The following MACC1 variants were observed in gnomAD, a reference collection of about 807,000 sequenced individuals.
MACC1 encodes the protein metastasis-associated in colon cancer protein 1.
A neutral mutation model predicts 70.7 loss-of-function variants in MACC1; 79 were observed. That is an observed-to-expected ratio of 1.12 (90% CI 0.93 to 1.35). The LOEUF (loss-of-function observed/expected upper bound fraction) is 1.35. Among genes scored for constraint, MACC1 ranks in the 40% most tolerant of loss-of-function variants. The pLI, the probability that MACC1 is intolerant of heterozygous loss-of-function variation, is 0.00. For missense variants in MACC1, 1,106 were observed against 978.1 expected (o/e 1.13, Z -1.74); for synonymous variants, 361 against 347.2 (o/e 1.04, Z -0.44).
chr7:20,151,907 G>A (rs1743755158), intron 6 of MACC1, among the ~76,000 whole-genome samples: 2 of 152,174 alleles, frequency 1.3e-5, no homozygotes, highest in South Asian at 4.1e-4. Flanking sequence ...TAAAGTCATG[G>A]ACTCTGAAGT....
intron 1 of MACC1, among the ~76,000 whole-genome samples, chr7:20,179,940 A>T (rs1273423558): frequency 6.6e-6 from 1 of 152,188 alleles, no homozygotes; most frequent in African/African-American, 2.4e-5. Flanking sequence ...ATGAATTGTC[A>T]ACTGTGCTTT....
chr7:20,153,942 C>T (rs984580340), intron 6 of MACC1, among the ~76,000 whole-genome samples: 2 of 152,058 alleles, frequency 1.3e-5, no homozygotes, highest in Non-Finnish European at 2.9e-5. Context: ...TCAATTAATT[C>T]ATTGATCAAA....
intron 1 of MACC1, among the ~76,000 whole-genome samples, chr7:20,201,124 C>G (rs1217962719): frequency 1.3e-5 from 2 of 152,050 alleles, no homozygotes; most frequent in African/African-American, 4.8e-5. Flanking sequence ...TGAATGAGAG[C>G]TGGTCACACT....
chr7:20,177,155 C>T (rs758564809), intron 1 of MACC1, among the ~76,000 whole-genome samples: 1 of 152,062 alleles, frequency 6.6e-6, no homozygotes, highest in Non-Finnish European at 1.5e-5. Context: ...GGATTTTGTA[C>T]TATCTTTCCA....
At chr7:20,145,934 G>C (rs1781883577) in intron 6 of MACC1, among the ~76,000 whole-genome samples, 1 of 152,108 alleles carries the variant, frequency 6.6e-6, no homozygotes, top group African/African-American at 2.4e-5. Flanking sequence ...AGGCTGAGGT[G>C]GGTGGATCAT....
chr7:20,203,416 A>C (rs185029529), intron 1 of MACC1, among the ~76,000 whole-genome samples: 105 of 152,286 alleles, frequency 6.9e-4, no homozygotes, highest in African/African-American at 2.0e-3. Context: ...GCTGCTGATG[A>C]TGATGATGGT....
At chr7:20,213,574 C>T (rs1462876545) in intron 1 of MACC1, among the ~76,000 whole-genome samples, 1 of 152,142 alleles carries the variant, frequency 6.6e-6, no homozygotes. Flanking sequence ...TACATATACA[C>T]CATGGAATAC....
At chr7:20,167,393 A>G (rs1782236884) in intron 2 of MACC1, among the ~76,000 whole-genome samples, 1 of 151,554 alleles carries the variant, frequency 6.6e-6, no homozygotes, top group African/African-American at 2.4e-5. Context: ...ATGGGGTTTC[A>G]CCATGTTGCC....
chr7:20,215,259 T>C (rs1014178144), intron 1 of MACC1, among the ~76,000 whole-genome samples: 1 of 152,112 alleles, frequency 6.6e-6, no homozygotes, highest in Non-Finnish European at 1.5e-5. Flanking sequence ...CTTTAACTAT[T>C]TATGAGGTCA....
intron 1 of MACC1, among the ~76,000 whole-genome samples, chr7:20,197,948 T>C (rs1057351495): frequency 6.6e-6 from 1 of 152,248 alleles, no homozygotes; most frequent in African/African-American, 2.4e-5. Context: ...AGAAATATTT[T>C]ATGTAATAAA....
At chr7:20,179,670 G>A (rs1782468890) in intron 1 of MACC1, among the ~76,000 whole-genome samples, 2 of 130,992 alleles carry the variant, frequency 1.5e-5, no homozygotes, top group East Asian at 3.3e-4. Context: ...AAGCCAGCAG[G>A]AGTTGTTGTT....
chr7:20,167,503 T>A (rs1281870752), intron 2 of MACC1, among the ~76,000 whole-genome samples: 1 of 151,754 alleles, frequency 6.6e-6, no homozygotes, highest in South Asian at 2.1e-4. Context: ...GCCTCCATTA[T>A]CCTCATTTTA....
intron 6 of MACC1, among the ~76,000 whole-genome samples, chr7:20,151,960 G>A (rs1334732919): frequency 1.3e-5 from 2 of 152,158 alleles, no homozygotes; most frequent in East Asian, 3.8e-4. Context: ...CTTTCCAGCT[G>A]TGTATGTTTA....
At chr7:20,192,612 G>A (rs1782689437) in intron 1 of MACC1, among the ~76,000 whole-genome samples, 1 of 152,102 alleles carries the variant, frequency 6.6e-6, no homozygotes, top group Non-Finnish European at 1.5e-5. Flanking sequence ...ATCACCCAGA[G>A]AATCCCTAAC....
chr7:20,152,887 A>G (rs1187979167), intron 6 of MACC1, among the ~76,000 whole-genome samples: 3 of 152,230 alleles, frequency 2.0e-5, no homozygotes, highest in African/African-American at 7.2e-5. Context: ...GCTTTCAATT[A>G]GACAACTTTT....
intron 1 of MACC1, among the ~76,000 whole-genome samples, chr7:20,180,879 T>C (rs771993104): frequency 2.0e-5 from 3 of 152,130 alleles, no homozygotes; most frequent in Middle Eastern, 3.4e-3. Context: ...AATTCCAAAG[T>C]ATGATTCATT....
intron 2 of MACC1, among the ~76,000 whole-genome samples, chr7:20,166,201 G>C (rs1782215535): frequency 6.6e-6 from 1 of 152,082 alleles, no homozygotes; most frequent in Non-Finnish European, 1.5e-5. Context: ...TTTAACTCTT[G>C]ATCTATGTGA....
chr7:20,168,861 T>C lies in MACC1; in HGVS notation c.-153+1853A>G, dbSNP rs542936502. On this transcript the variant is annotated intron_variant, in intron 2 of 6. Transcript: ENST00000400331. ...TGACTGAGACATTCTAGGCCTAAGA[T>C]CCAGAGCAGCTTTTTCTTTTGAAGA... Among the ~76,000 whole-genome samples, 76 of 152,274 alleles carry C rather than the reference T, an allele frequency of 5.0e-4. 2 individuals are homozygous for C. The Middle Eastern group carries it at 0.017, about 34-fold the overall frequency.
chr7:20,199,081 G>A (rs1185324854), intron 1 of MACC1, among the ~76,000 whole-genome samples: 1 of 152,182 alleles, frequency 6.6e-6, no homozygotes, highest in Non-Finnish European at 1.5e-5. Context: ...TTGAATTTAT[G>A]GAGGGCCTAT....
Sources: allele counts gnomAD v4.1 joint callset (sites outside exome capture counted in the v4.1 genomes callset), GRCh38; gene constraint gnomAD v4.1.1; transcripts MANE v1.5; gene names NCBI Gene and HGNC (gene_info 2026-07-23, HGNC 2026-07-21).